SLC25A48: variants seen among roughly 807,000 people sequenced by gnomAD.
The protein encoded by SLC25A48 is solute carrier family 25 member 48.
Under a neutral mutation model 32.2 loss-of-function variants are expected in SLC25A48, and 29 were observed. The observed-to-expected ratio is 0.90, with a 90% CI of 0.67 to 1.23. SLC25A48 has a LOEUF of 1.23. SLC25A48 is among the 50% of genes most tolerant of loss of function. The pLI is 0.00. For missense variants in SLC25A48, 399 were observed against 422.7 expected (o/e 0.94, Z 0.49); for synonymous variants, 164 against 172.3 (o/e 0.95, Z 0.38).
At chr5:135,765,169 A>G (rs1321011914) in intron 3 of SLC25A48, among the ~76,000 whole-genome samples, 2 of 151,580 alleles carry the variant, frequency 1.3e-5, no homozygotes, top group Non-Finnish European at 2.9e-5. Context: ...ATTAATCCCC[A>G]TATCGCGGGG....
At chr5:135,843,986 C>T (rs1436067011) in intron 2 of SLC25A48, among the ~76,000 whole-genome samples, 2 of 152,202 alleles carry the variant, frequency 1.3e-5, no homozygotes, top group African/African-American at 4.8e-5. Flanking sequence ...TAGCATATCA[C>T]GGCTGAGCCA....
intron 2 of SLC25A48, among the ~76,000 whole-genome samples, chr5:135,632,212 T>C (rs1752592034): frequency 6.6e-6 from 1 of 152,228 alleles, no homozygotes; most frequent in Non-Finnish European, 1.5e-5. Flanking sequence ...GGCTTTGTCT[T>C]GAGGGCCATG....
At chr5:135,716,310 C>T (rs538891768) in intron 3 of SLC25A48, among the ~76,000 whole-genome samples, 67 of 152,298 alleles carry the variant, frequency 4.4e-4, no homozygotes, top group South Asian at 1.5e-3. Flanking sequence ...CTCCACCACC[C>T]GCTCCACTGT....
chr5:135,601,442 C>A (rs1440540223), intron 1 of SLC25A48, among the ~76,000 whole-genome samples: 1 of 152,148 alleles, frequency 6.6e-6, no homozygotes, highest in Non-Finnish European at 1.5e-5. Flanking sequence ...CTCTGGGAAC[C>A]TTCCAGGGAA....
chr5:135,729,139 A>G lies in SLC25A48; in HGVS notation c.-520-83384A>G, dbSNP rs1157228450. On this transcript the variant is annotated intron_variant, in intron 3 of 10. Coordinates refer to the SLC25A48 transcript ENST00000646290. Reference sequence around the variant, plus strand: ...GCTCTTCCTTTCTGAAAGGAGGTACATGGGGACTTCTGGGGCCCTACTGTA... The same window carrying G: ...GCTCTTCCTTTCTGAAAGGAGGTACGTGGGGACTTCTGGGGCCCTACTGTA... Among the ~76,000 whole-genome samples, 3 of 152,088 alleles carry G rather than the reference A, an allele frequency of 2.0e-5. No homozygotes were observed. In the East Asian group the frequency reaches 5.8e-4, roughly 29 times the overall value.
intron 3 of SLC25A48, among the ~76,000 whole-genome samples, chr5:135,757,045 T>G (rs1406138500): frequency 6.7e-6 from 1 of 150,272 alleles, no homozygotes; most frequent in East Asian, 2.0e-4. Context: ...AATATGTATA[T>G]GATATGATAT....
intron 3 of SLC25A48, among the ~76,000 whole-genome samples, chr5:135,671,023 G>T (rs1753641881): frequency 6.6e-6 from 1 of 152,176 alleles, no homozygotes; most frequent in South Asian, 2.1e-4. Flanking sequence ...GAGAGGTTGG[G>T]GCCTGCTGTC....
At chr5:135,602,391 G>T (rs1751818908) in intron 1 of SLC25A48, among the ~76,000 whole-genome samples, 1 of 152,198 alleles carries the variant, frequency 6.6e-6, no homozygotes, top group South Asian at 2.1e-4. Flanking sequence ...CTTCCAGGAG[G>T]CTGCCTCCCC....
At chr5:135,886,690 G>C (rs867728117) in intron 7 of SLC25A48, among the ~76,000 whole-genome samples, 24 of 137,896 alleles carry the variant, frequency 1.7e-4, no homozygotes, top group Admixed American at 4.6e-4. Context: ...GAGAGAGAGA[G>C]AGAGAGAGAG....
chr5:135,756,180 TC>T (rs1755897603), intron 3 of SLC25A48, among the ~76,000 whole-genome samples: 1 of 151,768 alleles, frequency 6.6e-6, no homozygotes, highest in African/African-American at 2.4e-5. Context: ...TAAAATATCA[TC>T]TAGATATTTA....
chr5:135,825,093 G>A (rs927293298), intron 4 of SLC25A48: 2 of 152,252 alleles, frequency 1.3e-5, no homozygotes, highest in Non-Finnish European at 2.9e-5. Flanking sequence ...TAAAGCCATT[G>A]TGAGAATTAC....
At chr5:135,618,537 G>A (rs760644711) in intron 1 of SLC25A48, among the ~76,000 whole-genome samples, 14 of 151,992 alleles carry the variant, frequency 9.2e-5, no homozygotes, top group African/African-American at 1.7e-4. Context: ...ATGGTGTTCT[G>A]TAGTGTTTAC....
chr5:135,586,604 T>C (rs1345198354), intron 1 of SLC25A48, among the ~76,000 whole-genome samples: 2 of 152,164 alleles, frequency 1.3e-5, no homozygotes, highest in Admixed American at 6.5e-5. Context: ...TAAGCTCTCA[T>C]AGGGCACAGT....
chr5:135,809,143 A>G (rs1757537884), intron 3 of SLC25A48, among the ~76,000 whole-genome samples: 1 of 152,064 alleles, frequency 6.6e-6, no homozygotes, highest in Non-Finnish European at 1.5e-5. Context: ...TCTACAAAAA[A>G]AAAAAGATAG....
chr5:135,709,334 TG>T (rs1464800301), intron 3 of SLC25A48, among the ~76,000 whole-genome samples: 1 of 152,250 alleles, frequency 6.6e-6, no homozygotes, highest in Admixed American at 6.5e-5. Context: ...AGTCCTAGAC[TG>T]ACTCTCTGGC....
chr5:135,725,482 G>A (rs759552561), intron 3 of SLC25A48, among the ~76,000 whole-genome samples: 2 of 152,202 alleles, frequency 1.3e-5, no homozygotes, highest in Non-Finnish European at 2.9e-5. Context: ...GAACAGAAAG[G>A]AGGCTGAAGG....
At chr5:135,697,527 G>C (rs533891709) in intron 3 of SLC25A48, among the ~76,000 whole-genome samples, 1 of 152,294 alleles carries the variant, frequency 6.6e-6, no homozygotes, top group East Asian at 1.9e-4. Context: ...GTGGGAGTGT[G>C]CCCAGCTGGA....
chr5:135,767,743 A>G (rs1485247011), intron 3 of SLC25A48, among the ~76,000 whole-genome samples: 1 of 151,364 alleles, frequency 6.6e-6, no homozygotes, highest in East Asian at 2.0e-4. Context: ...GGGGGAGTGG[A>G]TGATATTACT....
At chr5:135,859,063 A>C (rs1258812013) in intron 4 of SLC25A48, among the ~76,000 whole-genome samples, 1 of 152,180 alleles carries the variant, frequency 6.6e-6, no homozygotes, top group Non-Finnish European at 1.5e-5. Flanking sequence ...GCTCCTCAGG[A>C]ACCCTCTAGG....
Sources: gnomAD v4.1 joint callset for allele counts (sites outside exome capture counted in the v4.1 genomes callset) on GRCh38, gnomAD v4.1.1 for gene constraint, MANE v1.5 for transcripts, NCBI Gene and HGNC (gene_info 2026-07-23, HGNC 2026-07-21) for gene names.